Variants in AP4E1 observed in about 807,000 individuals in gnomAD.
The protein encoded by AP4E1 is adaptor related protein complex 4 subunit epsilon 1.
A neutral mutation model predicts 128.2 loss-of-function variants in AP4E1; 56 were observed. The ratio of observed to expected loss-of-function variants is 0.44; its 90% confidence interval spans 0.35 to 0.55. AP4E1 has a LOEUF of 0.55. Among genes scored for constraint, AP4E1 ranks in the 20% least tolerant of loss-of-function variants. The pLI, the probability that AP4E1 is intolerant of heterozygous loss-of-function variation, is 0.00. For synonymous variants in AP4E1, 484 were observed against 473.1 expected (o/e 1.02, Z -0.30); for missense variants, 1,324 against 1,307.7 (o/e 1.01, Z -0.19).
intron 8 of AP4E1, among the ~76,000 whole-genome samples, chr15:50,935,909 G>A (rs888139181): frequency 2.6e-5 from 4 of 152,136 alleles, no homozygotes; most frequent in African/African-American, 9.7e-5. Context: ...ATAGATTTTT[G>A]TTTTGCATGT....
chr15:50,995,639 G>A (rs1281726972), intron 17 of AP4E1, among the ~76,000 whole-genome samples: 1 of 151,874 alleles, frequency 6.6e-6, no homozygotes, highest in Non-Finnish European at 1.5e-5. Flanking sequence ...GCCTCCCTTG[G>A]CCTCCCAAAG....
At chr15:50,934,944 T>C (rs566138588) in intron 8 of AP4E1, among the ~76,000 whole-genome samples, 1 of 152,240 alleles carries the variant, frequency 6.6e-6, no homozygotes, top group East Asian at 1.9e-4. Flanking sequence ...AAAACACATA[T>C]CAATTATCTA....
chr15:50,928,350 C>T (rs1398037746), intron 5 of AP4E1, among the ~76,000 whole-genome samples: 2 of 152,074 alleles, frequency 1.3e-5, no homozygotes, highest in Non-Finnish European at 2.9e-5. Context: ...TGCAGTGGCA[C>T]AACCTTGGCT....
At chr15:50,908,027 G>A (rs1265149666), upstream of AP4E1, among the ~76,000 whole-genome samples, 1 of 152,224 alleles carries the variant, frequency 6.6e-6, no homozygotes, top group Non-Finnish European at 1.5e-5. Context: ...GCTCTAGAAG[G>A]ATGACCTTTC....
rs2141154677 is a variant in AP4E1 at position 50,929,122 on chromosome 15, T to C, written c.656T>C (p.Val219Ala). Reference protein sequence around the residue: ...KFRKALCDRDVGVMAASLHIY... With the variant: ...KFRKALCDRDAGVMAASLHIY... The stretch of plus-strand genomic sequence containing the variant: ...CGGAAAGCACTTTGTGACAGAGATG[T>C]TGGGGTCATGGCTGCCTCCTTGCAT... The change falls in exon 6 of 21, where the codon GTT becomes GCT. Residue 219 changes from valine to alanine, a missense_variant. By Grantham distance (64) the Val-to-Ala change is moderately conservative (BLOSUM62 0). Coordinates refer to ENST00000261842, the MANE Select transcript of AP4E1 (RefSeq NM_007347.5). 21 of 1,613,924 alleles carry C rather than the reference T, an allele frequency of 1.3e-5. No homozygotes were observed. Among genetic ancestry groups the C allele is most frequent in the Non-Finnish European group, 1.8e-5 (21 of 1,179,902 alleles).
At position 50,931,010 on chromosome 15, in the gene AP4E1, A is replaced by G. The variant is rs751899387; in HGVS notation, c.869+39A>G. 16 of 1,609,416 alleles carry G rather than the reference A, an allele frequency of 9.9e-6. No homozygotes were observed. The South Asian group carries it at 1.6e-4, about 17-fold the overall frequency. Reference sequence around the variant, plus strand: ...AGTAAGTTTGCTTAATGACCCCCATACCAGATGATAAGCTTAGACTTTAGT... The same window carrying G: ...AGTAAGTTTGCTTAATGACCCCCATGCCAGATGATAAGCTTAGACTTTAGT... On this transcript the variant is annotated intron_variant, in intron 7 of 20. Transcript: ENST00000261842.
intron 15 of AP4E1, 74 bp from the exon 16 acceptor site, chr15:50,983,948 G>A: frequency 1.4e-6 from 2 of 1,468,580 alleles, no homozygotes; most frequent in South Asian, 1.2e-5. Flanking sequence ...AATTATTGTG[G>A]TAGTGAATGG....
intron 1 of AP4E1, among the ~76,000 whole-genome samples, chr15:50,909,903 T>C (rs1271538627): frequency 6.6e-6 from 1 of 152,226 alleles, no homozygotes; most frequent in Non-Finnish European, 1.5e-5. Flanking sequence ...GCGAGGATGG[T>C]CTCGATCTCC....
Position 50,993,352 on chromosome 15 carries a change from T to C in AP4E1, c.2091-18T>C. Reference sequence around the variant, plus strand: ...GCAGTTATTTAAGTTGACTTGATTTTATTATCAACCTCCTTAGGACAAATA... The same window carrying C: ...GCAGTTATTTAAGTTGACTTGATTTCATTATCAACCTCCTTAGGACAAATA... On this transcript the variant is annotated intron_variant, in intron 16 of 20. Transcript: ENST00000261842. 6.2e-7 allele frequency: 1 copy of C among 1,613,636 alleles called. No homozygotes were observed. The highest frequency in any genetic ancestry group is 8.5e-7 in the Non-Finnish European group (1 of 1,179,758).
At chr15:50,995,567 G>T (rs2064857609) in intron 17 of AP4E1, among the ~76,000 whole-genome samples, 1 of 151,906 alleles carries the variant, frequency 6.6e-6, no homozygotes, top group East Asian at 1.9e-4. Context: ...TATATTTTTA[G>T]TAGAGATGGG....
chr15:50,997,331 A>T lies in AP4E1; in HGVS notation c.2352A>T (p.Gly784=). 4.4e-6 allele frequency: 7 copies of T among 1,590,214 alleles called. No homozygotes were observed. Among genetic ancestry groups the T allele is most frequent in the Non-Finnish European group, 6.0e-6 (7 of 1,173,698 alleles). The change falls in exon 18 of 21, where the codon GGA becomes GGT. Residue 784 remains glycine, a synonymous_variant. Coordinates refer to ENST00000261842, the MANE Select transcript of AP4E1 (RefSeq NM_007347.5). ...ATTATGTTTTATTTTTGCAGCTGGG[A>T]AAAGCAGATACTGTCTCTCACAAGT... ...LGSESTINLL[G]KADTVSHKFR...
At chr15:50,919,532 CAAAA>C (rs1176929818) in intron 3 of AP4E1, among the ~76,000 whole-genome samples, 11 of 130,402 alleles carry the variant, frequency 8.4e-5, no homozygotes, top group Middle Eastern at 7.6e-3. Context: ...AATTCCATCT[CAAAA>C]AATAAATAAA....
At chr15:50,944,856 C>T (rs2064036643) in intron 10 of AP4E1, 1 of 770,228 alleles carries the variant, frequency 1.3e-6, no homozygotes, top group Non-Finnish European at 2.3e-6. Context: ...GGATGGTCAC[C>T]AAGATGGAGT....
chr15:50,999,410 C>T (rs2064927777), intron 19 of AP4E1, 148 bp downstream of exon 19: 7 of 636,192 alleles, frequency 1.1e-5, no homozygotes. Flanking sequence ...AATTTCTAGT[C>T]TATGGAGGAG....
intron 3 of AP4E1, among the ~76,000 whole-genome samples, chr15:50,921,606 C>T (rs960331541): frequency 6.6e-6 from 1 of 152,112 alleles, no homozygotes; most frequent in African/African-American, 2.4e-5. Context: ...CTGCCTCAGC[C>T]TCCCAAAGTG....
Position 50,937,973 on chromosome 15 carries a change from A to G in AP4E1, c.943+3276A>G, listed in dbSNP as rs957689136. On this transcript the variant is annotated intron_variant, in intron 8 of 20. Transcript: ENST00000261842. ...TTTTTAGTAAATTAGTAAATTGAGA[A>G]AATTATATAAAATGGAGTACAAGGG... Among the ~76,000 whole-genome samples, 4 of 152,186 alleles carry G rather than the reference A, an allele frequency of 2.6e-5. No homozygotes were observed. In the South Asian group the frequency reaches 8.3e-4, roughly 32 times the overall value.
At chr15:50,969,810 C>T (rs1203601096) in intron 15 of AP4E1, among the ~76,000 whole-genome samples, 1 of 151,968 alleles carries the variant, frequency 6.6e-6, no homozygotes, top group Non-Finnish European at 1.5e-5. Context: ...AAGCGCCGGC[C>T]ACCACGCCCA....
chr15:50,931,604 G>A (rs1018309015), intron 7 of AP4E1, among the ~76,000 whole-genome samples: 3 of 152,022 alleles, frequency 2.0e-5, no homozygotes, highest in Non-Finnish European at 4.4e-5. Flanking sequence ...AAATATTTTA[G>A]GCTTTGTGGG....
rs1484662596 is a variant in AP4E1 at position 50,958,804 on chromosome 15, T to G, written c.1851+10T>G. The stretch of plus-strand genomic sequence containing the variant: ...TTGTGAAGACTTGGTGGTAAGACAT[T>G]GGTGTTCCATCTTTTTAAAAATTGC... On this transcript the variant is annotated intron_variant, in intron 14 of 20. Transcript: ENST00000261842. 3.1e-6 allele frequency: 5 copies of G among 1,613,830 alleles called. No homozygotes were observed. Among genetic ancestry groups the G allele is most frequent in the Non-Finnish European group, 4.2e-6 (5 of 1,179,788 alleles).
Sources: allele counts gnomAD v4.1 joint callset (sites outside exome capture counted in the v4.1 genomes callset), GRCh38; gene constraint gnomAD v4.1.1; transcripts MANE v1.5; gene names NCBI Gene and HGNC (gene_info 2026-07-23, HGNC 2026-07-21).